Variants in CHMP3 observed in about 807,000 individuals in gnomAD.
CHMP3 encodes the protein 25.1 protein.
CHMP3 carries 8 observed loss-of-function variants against 27.4 expected under a neutral mutation model. That is an observed-to-expected ratio of 0.29 (90% CI 0.17 to 0.53). The LOEUF (loss-of-function observed/expected upper bound fraction) is 0.53. Ranked by LOEUF, CHMP3 falls within the 20% of genes least tolerant of loss-of-function variation. CHMP3 has a pLI of 0.96. For synonymous variants in CHMP3, 86 were observed against 85.5 expected (o/e 1.01, Z -0.03); for missense variants, 208 against 271.5 (o/e 0.77, Z 1.64).
intron 3 of CHMP3, among the ~76,000 whole-genome samples, chr2:86,520,168 C>G (rs953957490): frequency 2.6e-5 from 4 of 152,192 alleles, no homozygotes; most frequent in African/African-American, 9.6e-5. Flanking sequence ...ATTTCTGTAG[C>G]ATTTTTAAAA....
chr2:86,541,134 G>A (rs1427062320), intron 2 of CHMP3: 1 of 151,978 alleles, frequency 6.6e-6, no homozygotes, highest in African/African-American at 2.4e-5. Context: ...TTATTATTAA[G>A]GTGTGACTCT....
At chr2:86,552,441 T>C (rs922625923) in intron 1 of CHMP3, among the ~76,000 whole-genome samples, 2 of 152,216 alleles carry the variant, frequency 1.3e-5, no homozygotes, top group African/African-American at 4.8e-5. Context: ...ATCAGAGAAT[T>C]AGAAAAATCA....
At chr2:86,537,419 C>T (rs887157994) in intron 2 of CHMP3, among the ~76,000 whole-genome samples, 1 of 152,190 alleles carries the variant, frequency 6.6e-6, no homozygotes, top group Admixed American at 6.5e-5. Flanking sequence ...CTTTGCACAT[C>T]GATACTTGCT....
Position 86,563,384 on chromosome 2 carries a change from A to G in CHMP3, c.-36T>C, listed in dbSNP as rs1425696825. The G allele has an allele frequency of 6.2e-7, 1 of 1,608,016 alleles. No homozygotes were observed. Among genetic ancestry groups the G allele is most frequent in the South Asian group, 1.1e-5 (1 of 90,946 alleles). On this transcript the variant is annotated 5_prime_UTR_variant, in exon 1 of 6. Transcript: ENST00000263856. ...ACCCGTCTTGCCCCTTCCGGCTTTCAGTTCCCCGCGCCCAGGCAGGTCACG... is the reference window on the plus strand; with the variant it reads ...ACCCGTCTTGCCCCTTCCGGCTTTCGGTTCCCCGCGCCCAGGCAGGTCACG...
In CHMP3 at chr2:86,529,994, CTTTTT is replaced by C. The variant is rs999808959; in HGVS notation, c.107-602_107-598del. Among the ~76,000 whole-genome samples, 16 of 149,184 alleles carry C rather than the reference CTTTTT, an allele frequency of 1.1e-4. No individual in the cohort carries two copies. The East Asian group carries it at 1.4e-3, about 13-fold the overall frequency. On this transcript the variant is annotated intron_variant, in intron 2 of 5. Transcript: ENST00000263856. Reference sequence around the variant, plus strand: ...CACCTCCACCCAGACACCCCGAACTCTTTTTTTTTTATTTTTTGAGATGGAGTTTC... The same window carrying C: ...CACCTCCACCCAGACACCCCGAACTCTTTTTATTTTTTGAGATGGAGTTTC...
Position 86,510,430 on chromosome 2 carries a change from C to A in CHMP3, c.336G>T (p.Lys112Asn), listed in dbSNP as rs151030608. 9.7e-5 allele frequency: 157 copies of A among 1,613,916 alleles called. No homozygotes were observed. The highest frequency in any genetic ancestry group is 1.3e-4 in the Non-Finnish European group (151 of 1,180,030). Residue 112 changes from lysine (K) to asparagine (N), a missense_variant, in exon 4 of 6, where the codon AAG (lysine) becomes AAT (asparagine). Around this residue, in one of 3 missense-constraint regions of CHMP3, gnomAD observed 94 missense variants for 159.6 expected, o/e 0.59. Coordinates refer to ENST00000263856, the MANE Select transcript of CHMP3 (RefSeq NM_016079.4). ...GSLQKSTEVM[K>N]AMQSLVKIPE... ...GAATCTTCACAAGACTTTGCATGGC[C>A]TTCATCACTTCTGTGCTCTTCTGCA...
intron 3 of CHMP3, chr2:86,515,120 T>A (rs1675247245): frequency 1.3e-5 from 2 of 151,916 alleles, no homozygotes; most frequent in African/African-American, 4.8e-5. Flanking sequence ...CTTCAGGGTC[T>A]CTCCACATGG....
chr2:86,560,372 T>C (rs2104069065), intron 1 of CHMP3, among the ~76,000 whole-genome samples: 1 of 152,224 alleles, frequency 6.6e-6, no homozygotes, highest in East Asian at 1.9e-4. Context: ...TGGAATACTA[T>C]GAAGCCATAA....
intron 1 of CHMP3, among the ~76,000 whole-genome samples, chr2:86,557,613 T>C (rs992741286): frequency 6.6e-5 from 10 of 152,194 alleles, no homozygotes; most frequent in Non-Finnish European, 1.5e-4. Flanking sequence ...CTGAATTTTT[T>C]CCCTAGTTCC....
At chr2:86,560,723 A>G (rs1428603472) in intron 1 of CHMP3, among the ~76,000 whole-genome samples, 2 of 152,124 alleles carry the variant, frequency 1.3e-5, no homozygotes, top group South Asian at 2.1e-4. Flanking sequence ...AAAAAAAAGA[A>G]AAGAGGTTTA....
At chr2:86,513,058 T>C (rs1379963331) in intron 3 of CHMP3, among the ~76,000 whole-genome samples, 1 of 152,230 alleles carries the variant, frequency 6.6e-6, no homozygotes, top group Non-Finnish European at 1.5e-5. Context: ...TGCACACAGA[T>C]GTCTTATAGC....
intron 2 of CHMP3, among the ~76,000 whole-genome samples, chr2:86,532,028 A>G (rs1286205143): frequency 6.6e-6 from 1 of 152,238 alleles, no homozygotes; most frequent in Non-Finnish European, 1.5e-5. Context: ...CTTTGAATGT[A>G]TAAGATTGCT....
intron 5 of CHMP3, chr2:86,507,229 C>G: frequency 5.7e-6 from 2 of 353,556 alleles, no homozygotes. Context: ...AGTTTAAAAT[C>G]CCAACAGCAG....
intron 2 of CHMP3, among the ~76,000 whole-genome samples, chr2:86,534,774 C>T (rs80046266): frequency 0.044 from 6,746 of 152,128 alleles, 260 homozygotes; most frequent in East Asian, 0.14. Flanking sequence ...ACATAGCTGT[C>T]CCTGCTGTCT....
chr2:86,562,076 T>C (rs2013588438), intron 1 of CHMP3: 1 of 152,232 alleles, frequency 6.6e-6, no homozygotes, highest in South Asian at 2.1e-4. Flanking sequence ...CCACAATTTT[T>C]ATTTTACCAA....
intron 3 of CHMP3, chr2:86,511,040 T>C (rs985423947): frequency 6.6e-6 from 1 of 152,328 alleles, no homozygotes; most frequent in African/African-American, 2.4e-5. Context: ...GTATGCCTAC[T>C]ACAATCTTCT....
chr2:86,553,533 T>C (rs1033980290), intron 1 of CHMP3, among the ~76,000 whole-genome samples: 2 of 152,180 alleles, frequency 1.3e-5, no homozygotes, highest in African/African-American at 2.4e-5. Flanking sequence ...GGTTTCGCCA[T>C]GTTGGCCAGG....
chr2:86,543,540 C>T (rs1676441924), intron 1 of CHMP3, among the ~76,000 whole-genome samples: 1 of 152,240 alleles, frequency 6.6e-6, no homozygotes, highest in African/African-American at 2.4e-5. Flanking sequence ...ACTGCCTGTC[C>T]AAACTTGGAC....
intron 1 of CHMP3, among the ~76,000 whole-genome samples, chr2:86,545,324 G>T (rs574637463): frequency 7.9e-5 from 5 of 63,422 alleles, no homozygotes; most frequent in South Asian, 8.1e-4. Context: ...GGGCAGAGGC[G>T]CTCCTCACCT....
Sources: gnomAD v4.1 joint callset for allele counts (sites outside exome capture counted in the v4.1 genomes callset) on GRCh38, gnomAD v4.1.1 for gene constraint, gnomAD v4.1.1 regional missense constraint, MANE v1.5 for transcripts, NCBI Gene and HGNC (gene_info 2026-07-23, HGNC 2026-07-21) for gene names.